RAB38: variants seen among roughly 807,000 people sequenced by gnomAD.
RAB38 encodes the protein ras-related protein Rab-38.
A neutral mutation model predicts 18.4 loss-of-function variants in RAB38; 15 were observed. That is an observed-to-expected ratio of 0.82 (90% CI 0.55 to 1.26). The LOEUF (loss-of-function observed/expected upper bound fraction) is 1.26. RAB38 is among the 50% of genes most tolerant of loss of function. RAB38 has a pLI of 0.00. For missense variants in RAB38, 294 were observed against 267.4 expected (o/e 1.10, Z -0.69); for synonymous variants, 101 against 104.4 (o/e 0.97, Z 0.20).
At chr11:87,920,635 G>A in the RAB38 span, among the ~76,000 whole-genome samples, 122,300 of 152,024 alleles carry the variant, frequency 0.8, 49,482 homozygotes, top group East Asian at 0.94. Flanking sequence ...CAGTATTTGT[G>A]TATGTCTATT....
chr11:88,105,812 A>G, the RAB38 span, among the ~76,000 whole-genome samples: 2 of 152,322 alleles, frequency 1.3e-5, no homozygotes, highest in Admixed American at 1.3e-4. Flanking sequence ...GAGCAGATGC[A>G]CTGACAAGAA....
the RAB38 span, among the ~76,000 whole-genome samples, chr11:87,907,853 C>A: frequency 6.6e-6 from 1 of 151,680 alleles, no homozygotes; most frequent in Non-Finnish European, 1.5e-5. Context: ...GGAGCCTTTA[C>A]AAATTTTACA....
the RAB38 span, among the ~76,000 whole-genome samples, chr11:87,945,015 C>T: frequency 5.9e-5 from 9 of 152,192 alleles, no homozygotes; most frequent in African/African-American, 2.2e-4. Flanking sequence ...GCAATGGATG[C>T]CTCTGAACTA....
At chr11:87,829,681 C>G in the RAB38 span, among the ~76,000 whole-genome samples, 2 of 151,914 alleles carry the variant, frequency 1.3e-5, no homozygotes, top group African/African-American at 4.8e-5. Flanking sequence ...AACTGTATCG[C>G]CTCTGAATCT....
the RAB38 span, among the ~76,000 whole-genome samples, chr11:88,104,744 T>C: frequency 2.0e-5 from 3 of 152,126 alleles, no homozygotes; most frequent in Admixed American, 2.0e-4. Flanking sequence ...ATTCAAATGA[T>C]TGTGTCTCTC....
At chr11:87,840,822 C>T in the RAB38 span, among the ~76,000 whole-genome samples, 25 of 152,256 alleles carry the variant, frequency 1.6e-4, no homozygotes, top group Non-Finnish European at 2.2e-4. Context: ...TAAAGCACTA[C>T]TCTTTGTATA....
intron 1 of RAB38, among the ~76,000 whole-genome samples, chr11:88,164,880 T>C (rs1050250012): frequency 1.3e-5 from 2 of 152,018 alleles, no homozygotes; most frequent in African/African-American, 2.4e-5. Flanking sequence ...TCTACCACCA[T>C]ATAAATCTTT....
the RAB38 span, among the ~76,000 whole-genome samples, chr11:87,814,799 T>A: frequency 1.3e-4 from 20 of 151,936 alleles, no homozygotes; most frequent in African/African-American, 4.8e-4. Context: ...AGTGGCACTA[T>A]CTCGGCTCAC....
At chr11:88,026,934 A>G in the RAB38 span, among the ~76,000 whole-genome samples, 1 of 152,162 alleles carries the variant, frequency 6.6e-6, no homozygotes, top group East Asian at 1.9e-4. Context: ...ATTTTACATA[A>G]TTGGCCTGGA....
At chr11:87,855,618 T>C in the RAB38 span, among the ~76,000 whole-genome samples, 2 of 152,290 alleles carry the variant, frequency 1.3e-5, no homozygotes, top group Non-Finnish European at 2.9e-5. Flanking sequence ...GCAAATAATG[T>C]TTCATAATTA....
intron 2 of RAB38, among the ~76,000 whole-genome samples, chr11:88,123,620 A>G (rs1872738): frequency 0.9 from 136,610 of 152,216 alleles, 61,722 homozygotes; most frequent in Non-Finnish European, 0.94. Context: ...ACATAGGTTG[A>G]AGTCCTAATT....
chr11:88,035,754 T>C, the RAB38 span, among the ~76,000 whole-genome samples: 1 of 152,250 alleles, frequency 6.6e-6, no homozygotes, highest in Non-Finnish European at 1.5e-5. Context: ...GGACATCCCA[T>C]TCTAGCAAGA....
the RAB38 span, among the ~76,000 whole-genome samples, chr11:87,963,120 G>T: frequency 6.6e-6 from 1 of 151,982 alleles, no homozygotes; most frequent in South Asian, 2.1e-4. Flanking sequence ...AACATCCTGG[G>T]AACATATTAG....
At chr11:88,079,192 T>C in the RAB38 span, among the ~76,000 whole-genome samples, 1 of 151,822 alleles carries the variant, frequency 6.6e-6, no homozygotes, top group Non-Finnish European at 1.5e-5. Flanking sequence ...AATCTCTGGT[T>C]AAACTGGAAG....
intron 2 of RAB38, among the ~76,000 whole-genome samples, chr11:88,142,937 T>C (rs763197095): frequency 6.6e-5 from 10 of 152,264 alleles, no homozygotes; most frequent in Non-Finnish European, 1.5e-4. Context: ...TGTATACCTG[T>C]CATTAGACTT....
the RAB38 span, among the ~76,000 whole-genome samples, chr11:88,010,404 TGAATAACTG>T: frequency 1.1e-3 from 175 of 152,346 alleles, 1 homozygote; most frequent in Non-Finnish European, 2.1e-3. Flanking sequence ...GCCAGATGTA[TGAATAACTG>T]ACTGCCAGGG....
At chr11:88,095,338 C>T in the RAB38 span, among the ~76,000 whole-genome samples, 1 of 151,846 alleles carries the variant, frequency 6.6e-6, no homozygotes, top group Non-Finnish European at 1.5e-5. Context: ...TGAAACTCTT[C>T]TGTCATAGTT....
the RAB38 span, among the ~76,000 whole-genome samples, chr11:88,046,116 C>G: frequency 3.3e-5 from 5 of 152,118 alleles, no homozygotes; most frequent in Admixed American, 3.3e-4. Context: ...GGTGACTGAT[C>G]ATGCACCCTT....
the RAB38 span, among the ~76,000 whole-genome samples, chr11:87,936,784 C>T: frequency 6.6e-6 from 1 of 152,012 alleles, no homozygotes; most frequent in Non-Finnish European, 1.5e-5. Flanking sequence ...GAAGTATATA[C>T]TGTATGGGAT....
Sources: allele counts gnomAD v4.1 joint callset (sites outside exome capture counted in the v4.1 genomes callset), GRCh38; gene constraint gnomAD v4.1.1; transcripts MANE v1.5; gene names NCBI Gene and HGNC (gene_info 2026-07-23, HGNC 2026-07-21).